The following SNX13 variants were observed in gnomAD, a reference collection of about 807,000 sequenced individuals.
The protein encoded by SNX13 is sorting nexin 13, also known as sorting nexin-13.
A neutral mutation model predicts 133.6 loss-of-function variants in SNX13; 45 were observed. The observed-to-expected ratio is 0.34, with a 90% CI of 0.27 to 0.43. The LOEUF is 0.43. SNX13 is among the 20% of genes least tolerant of loss of function. The pLI is 1.00. For missense variants in SNX13, 1,032 were observed against 1,145.1 expected, an observed-to-expected ratio of 0.90 and a Z score of 1.43; for synonymous variants, 414 against 373.9, an observed-to-expected ratio of 1.11 and a Z score of -1.24.
intron 1 of SNX13, among the ~76,000 whole-genome samples, chr7:17,930,970 C>G (rs979792577): frequency 3.3e-5 from 5 of 152,174 alleles, no homozygotes; most frequent in South Asian, 2.1e-4. Flanking sequence ...ACCATTCCCC[C>G]CAACAGCCGT....
At chr7:17,830,422 T>C (rs1311499785) in intron 15 of SNX13, 1 of 984,302 alleles carries the variant, frequency 1.0e-6, no homozygotes, top group Non-Finnish European at 1.2e-6. Flanking sequence ...AGCACTATTT[T>C]GTAACTTCTG....
chr7:17,803,572 A>C lies in SNX13; in HGVS notation c.2073T>G (p.Thr691=). 5 of 1,608,340 alleles carry C rather than the reference A, an allele frequency of 3.1e-6. No individual in the cohort carries two copies. The highest frequency in any genetic ancestry group is 4.2e-6 in the Non-Finnish European group (5 of 1,177,348). The change falls in exon 21 of 26, where the codon ACT becomes ACG. Residue 691 remains threonine (T), a synonymous_variant. Transcript: ENST00000428135. ...GKGDFARKMD[T]FVNPLRNSMR... ...TTGAATTGCGAAGTGGATTTACAAA[A>C]GTGTCCATCTAAAGGGAAAAAAGAT...
chr7:17,821,987 A>G (rs780572060), intron 17 of SNX13, among the ~76,000 whole-genome samples: 12 of 152,194 alleles, frequency 7.9e-5, no homozygotes, highest in Non-Finnish European at 1.5e-4. Context: ...TGCTACATCT[A>G]ATGTTACCTT....
In SNX13 at chr7:17,940,371, C is replaced by T. The variant is rs1339547669; in HGVS notation, c.-76G>A. On this transcript the variant is annotated 5_prime_UTR_variant, in exon 1 of 26. Coordinates refer to ENST00000428135, the MANE Select transcript of SNX13 (RefSeq NM_015132.5). ...AGCCGTAGCAGCAGCGAAAACTGCT[C>T]GGGCCGCCGCCAACGGCGGCAACTG... 6.6e-7 allele frequency: 1 copy of T among 1,521,976 alleles called. No individual in the cohort carries two copies. The highest frequency in any genetic ancestry group is 1.4e-5 in the African/African-American group (1 of 72,578). 94.3% of individuals were successfully genotyped at this position (1,521,976 alleles called of 1,614,324 possible). A position where few individuals can be genotyped will look rare whatever the true frequency, so the allele number is the denominator to read the frequency against.
At chr7:17,813,613 G>T (rs1458110170) in intron 20 of SNX13, among the ~76,000 whole-genome samples, 2 of 149,954 alleles carry the variant, frequency 1.3e-5, no homozygotes, top group Non-Finnish European at 1.5e-5. Context: ...TTGAGACAGG[G>T]TCTTGCTCTC....
intron 20 of SNX13, among the ~76,000 whole-genome samples, chr7:17,811,729 C>A (rs1262959669): frequency 1.3e-5 from 2 of 152,190 alleles, no homozygotes; most frequent in African/African-American, 4.8e-5. Context: ...AGGCATCATG[C>A]TACCTGACTT....
chr7:17,834,017 T>C (rs1287182532), intron 15 of SNX13, 35 bp downstream of exon 15: 6 of 1,388,476 alleles, frequency 4.3e-6, no homozygotes, highest in South Asian at 1.8e-5. Flanking sequence ...TATAAATATA[T>C]ATGCATATTA....
intron 1 of SNX13, among the ~76,000 whole-genome samples, chr7:17,905,446 G>C (rs1424258029): frequency 6.6e-6 from 1 of 150,612 alleles, no homozygotes; most frequent in Non-Finnish European, 1.5e-5. Context: ...AGAGTGTTTG[G>C]GGAATACAGA....
intron 1 of SNX13, among the ~76,000 whole-genome samples, chr7:17,914,416 A>G (rs1413536176): frequency 6.6e-6 from 1 of 152,212 alleles, no homozygotes; most frequent in Admixed American, 6.5e-5. Flanking sequence ...CAAGATGACA[A>G]TCTGCAAGAC....
chr7:17,933,328 C>T (rs4719525), intron 1 of SNX13, among the ~76,000 whole-genome samples: 3 of 151,888 alleles, frequency 2.0e-5, no homozygotes, highest in Admixed American at 2.0e-4. Context: ...CGGAACATGA[C>T]GTCAGGAGAT....
At chr7:17,883,777 G>A (rs117603478) in intron 5 of SNX13, among the ~76,000 whole-genome samples, 5,356 of 151,788 alleles carry the variant, frequency 0.035, 119 homozygotes, top group South Asian at 0.08. Flanking sequence ...TGTTCTCATC[G>A]TTCTCATCTC....
At chr7:17,881,730 T>C (rs889894767) in intron 5 of SNX13, 1 of 152,166 alleles carries the variant, frequency 6.6e-6, no homozygotes, top group East Asian at 1.9e-4. Flanking sequence ...AAGGATATAC[T>C]ACTCTTCACT....
rs1407445961 is a variant in SNX13 at position 17,793,951 on chromosome 7, G to A, written c.*94C>T. 2 of 1,355,986 alleles carry A rather than the reference G, an allele frequency of 1.5e-6. No individual in the cohort carries two copies. The highest frequency in any genetic ancestry group is 2.0e-6 in the Non-Finnish European group (2 of 990,016). The allele number at this position is 1,355,986 out of a possible 1,614,324, so 84.0% of individuals were successfully genotyped here. A position where few individuals can be genotyped will look rare whatever the true frequency, so the allele number is the denominator to read the frequency against. On this transcript the variant is annotated 3_prime_UTR_variant, in exon 26 of 26. Coordinates refer to ENST00000428135, the MANE Select transcript of SNX13 (RefSeq NM_015132.5). ...TCTATTTTGAGACACTAAAAGACTG[G>A]TGCAGACACAACAGTATTTGAGTTA...
rs71553704 is a variant in SNX13 at position 17,841,553 on chromosome 7, T to TACACACACACACACAC, written c.1166-1569_1166-1554dup. On this transcript the variant is annotated intron_variant, in intron 12 of 25. Transcript: ENST00000428135. ...TTAGATTCAAACAGCCAGTTATTCA[T>TACACACACACACACAC]ACACACACACACACACACACACACA... Among the ~76,000 whole-genome samples the TACACACACACACACAC allele has an allele frequency of 5.8e-3, 834 of 143,062 alleles. 15 individuals carry two copies. Among genetic ancestry groups the TACACACACACACACAC allele is most frequent in the African/African-American group, 0.02 (738 of 37,818 alleles). 93.9% of individuals were successfully genotyped at this position (143,062 alleles called of 152,430 possible). A position where few individuals can be genotyped will look rare whatever the true frequency, so the allele number is the denominator to read the frequency against.
chr7:17,903,982 T>C (rs1443582524), intron 1 of SNX13, among the ~76,000 whole-genome samples: 1 of 152,160 alleles, frequency 6.6e-6, no homozygotes, highest in Non-Finnish European at 1.5e-5. Context: ...TGTGTTGGTT[T>C]GAACTCAGGG....
At chr7:17,834,974 G>C (rs1313435004) in intron 13 of SNX13, 109 bp from the exon 14 acceptor site, 3 of 651,168 alleles carry the variant, frequency 4.6e-6, no homozygotes, top group East Asian at 6.0e-5. Context: ...TGGCAGGTAA[G>C]AATCATTGGT....
intron 1 of SNX13, among the ~76,000 whole-genome samples, chr7:17,928,887 T>A (rs930030021): frequency 6.6e-6 from 1 of 152,168 alleles, no homozygotes; most frequent in African/African-American, 2.4e-5. Flanking sequence ...TAAATTCAGA[T>A]AAGGGGTATA....
intron 22 of SNX13, among the ~76,000 whole-genome samples, chr7:17,801,284 C>G (rs10224916): frequency 6.6e-6 from 1 of 151,444 alleles, no homozygotes; most frequent in Non-Finnish European, 1.5e-5. Flanking sequence ...TCATGGAATA[C>G]GTACCTTACA....
chr7:17,811,513 G>A (rs1786020506), intron 20 of SNX13, among the ~76,000 whole-genome samples: 1 of 152,138 alleles, frequency 6.6e-6, no homozygotes, highest in Admixed American at 6.5e-5. Flanking sequence ...CAAATAAATG[G>A]AAAAACATTC....
Sources: allele counts gnomAD v4.1 joint callset (sites outside exome capture counted in the v4.1 genomes callset), GRCh38; gene constraint gnomAD v4.1.1; transcripts MANE v1.5; gene names NCBI Gene and HGNC (gene_info 2026-07-23, HGNC 2026-07-21).